PWWP2A: variants seen among roughly 807,000 people sequenced by gnomAD.
The protein encoded by PWWP2A is PWWP domain-containing protein 2A.
In PWWP2A, 18 loss-of-function variants were observed where a neutral mutation model predicts 48.5. The ratio of observed to expected loss-of-function variants is 0.37; its 90% CI spans 0.26 to 0.55. The LOEUF (loss-of-function observed/expected upper bound fraction) is 0.55. Ranked by LOEUF, PWWP2A falls within the 20% of genes least tolerant of loss-of-function variation. The pLI is 0.81. For missense variants in PWWP2A, 867 were observed against 976.4 expected (o/e 0.89, Z 1.49); for synonymous variants, 396 against 387.7 (o/e 1.02, Z -0.25).
At chr5:160,050,497 A>G in the PWWP2A span, among the ~76,000 whole-genome samples, 1 of 152,142 alleles carries the variant, frequency 6.6e-6, no homozygotes, top group Non-Finnish European at 1.5e-5. Flanking sequence ...AAATACAAAT[A>G]TAGCACTGTA....
At chr5:160,117,036 G>A (rs1408679447) in intron 1 of PWWP2A, among the ~76,000 whole-genome samples, 1 of 152,146 alleles carries the variant, frequency 6.6e-6, no homozygotes, top group East Asian at 1.9e-4. Flanking sequence ...AGGGTGCAGT[G>A]AGCAGAGATT....
the PWWP2A span, among the ~76,000 whole-genome samples, chr5:160,052,944 CAT>C: frequency 6.6e-6 from 1 of 152,192 alleles, no homozygotes; most frequent in Non-Finnish European, 1.5e-5. Flanking sequence ...TGTTGTTACA[CAT>C]GTGTAGTTTG....
downstream of PWWP2A, among the ~76,000 whole-genome samples, chr5:160,073,224 CA>C (rs1449092106): frequency 1.2e-4 from 11 of 95,106 alleles, no homozygotes; most frequent in East Asian, 6.9e-4. Context: ...AGTATAAAAA[CA>C]TTTCTTTTTT....
At chr5:160,054,123 C>A in the PWWP2A span, among the ~76,000 whole-genome samples, 5 of 152,074 alleles carry the variant, frequency 3.3e-5, no homozygotes, top group African/African-American at 1.2e-4. Context: ...GGATAATTAG[C>A]CTCCCAGCCA....
At chr5:160,110,150 A>C (rs535308410) in intron 1 of PWWP2A, among the ~76,000 whole-genome samples, 8 of 151,294 alleles carry the variant, frequency 5.3e-5, no homozygotes. Flanking sequence ...CCTCCCGAGT[A>C]GCTGGGATTA....
At chr5:160,065,800 C>G (rs767503508) in intron 4 of PWWP2A, among the ~76,000 whole-genome samples, 1 of 152,168 alleles carries the variant, frequency 6.6e-6, no homozygotes, top group Non-Finnish European at 1.5e-5. Context: ...TGTGTTTGAC[C>G]AAATGTTAAT....
At chr5:160,079,826 G>A (rs1754105209) in intron 3 of PWWP2A, among the ~76,000 whole-genome samples, 1 of 152,164 alleles carries the variant, frequency 6.6e-6, no homozygotes, top group Non-Finnish European at 1.5e-5. Context: ...ACGCAGATAA[G>A]TGTCCAAAAT....
intron 5 of PWWP2A, among the ~76,000 whole-genome samples, chr5:160,062,448 C>T (rs3733868): frequency 0.056 from 8,483 of 152,316 alleles, 316 homozygotes; most frequent in East Asian, 0.15. Flanking sequence ...GGTCAGAAAG[C>T]ACCTCTGGGC....
Position 160,094,074 on chromosome 5 carries a change from G to C in PWWP2A, c.585-9C>G. ...TACCATGGGGCCCAAACCTTTGAAA[G>C]AAATGGAAGAAAAAAAGAAGACATT... On this transcript the variant is annotated splice_polypyrimidine_tract_variant and intron_variant, in intron 1 of 1. Coordinates refer to ENST00000307063, the MANE Select transcript of PWWP2A (RefSeq NM_001130864.2). 6.4e-7 allele frequency: 1 copy of C among 1,561,358 alleles called. No homozygotes were observed. The highest frequency in any genetic ancestry group is 2.3e-5 in the East Asian group (1 of 44,264).
intron 1 of PWWP2A, among the ~76,000 whole-genome samples, chr5:160,097,326 G>C (rs1755759191): frequency 1.1e-5 from 1 of 92,234 alleles, no homozygotes; most frequent in Non-Finnish European, 1.9e-5. Context: ...AAGTGAGTAA[G>C]CCTTTGTCTC....
chr5:160,079,351 T>C (rs1289899059), intron 3 of PWWP2A, among the ~76,000 whole-genome samples: 2 of 151,800 alleles, frequency 1.3e-5, no homozygotes, highest in Non-Finnish European at 2.9e-5. Context: ...TATTCTATCA[T>C]GTTTCTCCTC....
At chr5:160,067,036 T>C (rs1187532002) in intron 2 of PWWP2A, among the ~76,000 whole-genome samples, 1 of 152,082 alleles carries the variant, frequency 6.6e-6, no homozygotes, top group Non-Finnish European at 1.5e-5. Context: ...AGACCTTGTC[T>C]CTAAAAAAAA....
downstream of PWWP2A, among the ~76,000 whole-genome samples, chr5:160,060,258 G>A (rs1757662119): frequency 6.6e-6 from 1 of 152,152 alleles, no homozygotes; most frequent in African/African-American, 2.4e-5. Flanking sequence ...TTATGCTCAG[G>A]GTAAACTGCC....
chr5:160,110,729 A>T (rs1757473832), intron 1 of PWWP2A, among the ~76,000 whole-genome samples: 1 of 151,762 alleles, frequency 6.6e-6, no homozygotes, highest in African/African-American at 2.4e-5. Context: ...AATAAAATAA[A>T]AAAATAAAGT....
At chr5:160,070,401 A>T (rs1753713825) in intron 2 of PWWP2A, among the ~76,000 whole-genome samples, 1 of 152,166 alleles carries the variant, frequency 6.6e-6, no homozygotes, top group Non-Finnish European at 1.5e-5. Context: ...TGAGCCCAGG[A>T]GTTTGAGGCT....
At position 160,118,848 on chromosome 5, in the gene PWWP2A, CG is replaced by C; in HGVS notation, c.540del (p.Phe180LeufsTer24). ...AGGACCCCGGAGAAGAGCTTCTCCC[CG>C]AAGCGGAACGACACGACAAGCGCGT... is the stretch of plus-strand genomic sequence containing the variant. ...IEDALVVSFR[F>X]GEKLFSGVLM... On this transcript the variant is annotated frameshift_variant, in exon 1 of 2. Coordinates refer to ENST00000307063, the MANE Select transcript of PWWP2A (RefSeq NM_001130864.2). LOFTEE classifies it high-confidence loss of function. The C allele has an allele frequency of 6.3e-7, 1 of 1,585,966 alleles. No individual in the cohort carries two copies. Among genetic ancestry groups the C allele is most frequent in the Non-Finnish European group, 8.6e-7 (1 of 1,168,026 alleles).
the PWWP2A span, among the ~76,000 whole-genome samples, chr5:160,054,557 T>C: frequency 6.6e-6 from 1 of 151,506 alleles, no homozygotes; most frequent in Admixed American, 6.6e-5. Context: ...TTTGCAGTGT[T>C]ACGATGGTAC....
the PWWP2A span, among the ~76,000 whole-genome samples, chr5:160,045,548 T>C: frequency 2.4e-5 from 3 of 125,738 alleles, no homozygotes; most frequent in African/African-American, 9.7e-5. Flanking sequence ...TCTCTCTCTC[T>C]CTCTCCCCCT....
the PWWP2A span, among the ~76,000 whole-genome samples, chr5:160,052,558 A>AAAC: frequency 6.6e-6 from 1 of 150,942 alleles, no homozygotes; most frequent in Non-Finnish European, 1.5e-5. Flanking sequence ...CAAAAAAAAA[A>AAAC]AAAAAAAAAA....
Sources: gnomAD v4.1 joint callset for allele counts (sites outside exome capture counted in the v4.1 genomes callset) on GRCh38, gnomAD v4.1.1 for gene constraint, MANE v1.5 for transcripts, NCBI Gene and HGNC (gene_info 2026-07-23, HGNC 2026-07-21) for gene names.